ADAD1: variants seen among roughly 807,000 people sequenced by gnomAD.
The protein encoded by ADAD1 is adenosine deaminase domain-containing protein 1.
Under a neutral mutation model 66.8 loss-of-function variants are expected in ADAD1, and 46 were observed. The ratio of observed to expected loss-of-function variants is 0.69; its 90% CI spans 0.54 to 0.88. The LOEUF is 0.88. ADAD1 is among the 40% of genes least tolerant of loss of function. The probability of loss-of-function intolerance (pLI) is 0.00; values close to 1 mark genes in which losing one functional copy is unlikely to be tolerated. For synonymous variants in ADAD1, 248 were observed against 229.4 expected (o/e 1.08, Z -0.73); for missense variants, 617 against 681.8 (o/e 0.91, Z 1.06).
intron 10 of ADAD1, among the ~76,000 whole-genome samples, chr4:122,415,100 A>G (rs1025434377): frequency 1.3e-5 from 2 of 152,098 alleles, no homozygotes; most frequent in Non-Finnish European, 2.9e-5. Flanking sequence ...CTAAAGTACC[A>G]GTTTCTGAGC....
intron 6 of ADAD1, among the ~76,000 whole-genome samples, chr4:122,394,360 CT>C (rs1361621195): frequency 2.0e-5 from 3 of 152,080 alleles, no homozygotes; most frequent in African/African-American, 7.2e-5. Context: ...TTAATTTTTA[CT>C]TTTACTACCA....
At chr4:122,424,793 TA>T (rs80242378) in intron 12 of ADAD1, among the ~76,000 whole-genome samples, 2 of 151,746 alleles carry the variant, frequency 1.3e-5, no homozygotes. Context: ...CAGATTGGGT[TA>T]AAAAAAAGCC....
intron 10 of ADAD1, 75 bp from the exon 11 acceptor site, chr4:122,415,304 T>TC: frequency 8.2e-7 from 1 of 1,219,860 alleles, no homozygotes; most frequent in Non-Finnish European, 1.2e-6. Flanking sequence ...TTAGACGATT[T>TC]CCAATCATTT....
At position 122,421,234 on chromosome 4, in the gene ADAD1, T is replaced by TA. The variant is rs751523750; in HGVS notation, c.1488-21dup. On this transcript the variant is annotated intron_variant, in intron 11 of 12. Transcript: ENST00000296513. ...AACATAAATTACTGAAAAAGAAATT[T>TA]AAAAAATTTTATTTCTCTCTGCTTA... 14 of 1,501,826 alleles carry TA rather than the reference T, an allele frequency of 9.3e-6. No individual in the cohort carries two copies. The South Asian group carries it at 1.5e-4, about 16-fold the overall frequency. 93.0% of individuals were successfully genotyped at this position (1,501,826 alleles called of 1,614,324 possible).
chr4:122,418,862 A>T lies in ADAD1; in HGVS notation c.1488-2399A>T, dbSNP rs1021184641. Among the ~76,000 whole-genome samples, 4 of 152,226 alleles carry T rather than the reference A, an allele frequency of 2.6e-5. 1 individual carries two copies. Among genetic ancestry groups the T allele is most frequent in the Admixed American group, 1.3e-4 (2 of 15,278 alleles). Reference sequence around the variant, plus strand: ...TCTCACACCAATCAGAATGGCTATTATCAAAAAGTCAAAAAACAGATGCTG... The same window carrying T: ...TCTCACACCAATCAGAATGGCTATTTTCAAAAAGTCAAAAAACAGATGCTG... On this transcript the variant is annotated intron_variant, in intron 11 of 12. Coordinates refer to ENST00000296513, the MANE Select transcript of ADAD1 (RefSeq NM_139243.4).
At position 122,415,483 on chromosome 4, in the gene ADAD1, C is replaced by T; in HGVS notation, c.1354C>T (p.Pro452Ser). Residue 452 changes from proline (P) to serine (S), a missense_variant, in exon 11 of 13, where the codon CCT becomes TCT. By Grantham distance (74) the Pro-to-Ser change is moderately conservative. Transcript: ENST00000296513. ...KLPMFYLVNR[P>S]HISLVPSAYP... ...TCCAATGTTTTACTTAGTCAACAGACCTCATATTAGTTTAGTACCCTCTGC... is the reference window on the plus strand; with the variant it reads ...TCCAATGTTTTACTTAGTCAACAGATCTCATATTAGTTTAGTACCCTCTGC... The T allele has an allele frequency of 6.2e-7, 1 of 1,613,860 alleles. No homozygotes were observed. The highest frequency in any genetic ancestry group is 8.5e-7 in the Non-Finnish European group (1 of 1,179,870).
intron 5 of ADAD1, among the ~76,000 whole-genome samples, chr4:122,387,807 T>A (rs1795247166): frequency 6.6e-6 from 1 of 151,834 alleles, no homozygotes; most frequent in South Asian, 2.1e-4. Context: ...TTGCCCAGGC[T>A]GGAGTGCAAT....
chr4:122,416,475 C>T (rs1194665931), intron 11 of ADAD1, among the ~76,000 whole-genome samples: 1 of 152,148 alleles, frequency 6.6e-6, no homozygotes, highest in Admixed American at 6.5e-5. Flanking sequence ...ACCTGTAATC[C>T]TAGCAGTTTG....
intron 6 of ADAD1, among the ~76,000 whole-genome samples, chr4:122,394,256 A>G (rs1289433740): frequency 6.6e-6 from 1 of 152,160 alleles, no homozygotes; most frequent in African/African-American, 2.4e-5. Context: ...AACTAATATT[A>G]TTTTATTATA....
chr4:122,388,268 C>T (rs1032685610), intron 5 of ADAD1, among the ~76,000 whole-genome samples: 1 of 152,128 alleles, frequency 6.6e-6, no homozygotes, highest in Non-Finnish European at 1.5e-5. Context: ...ATTTCATTTG[C>T]CAGTATTTCA....
At chr4:122,412,477 C>A in intron 9 of ADAD1, 103 bp from the exon 10 acceptor site, 3 of 912,438 alleles carry the variant, frequency 3.3e-6, no homozygotes, top group South Asian at 1.6e-5. Flanking sequence ...ATTAAATGTA[C>A]ACTGGGAAGT....
At chr4:122,418,379 G>A (rs1205527388) in intron 11 of ADAD1, among the ~76,000 whole-genome samples, 1 of 148,506 alleles carries the variant, frequency 6.7e-6, no homozygotes, top group Non-Finnish European at 1.5e-5. Flanking sequence ...GCGCGATATC[G>A]GCTCACTGCA....
intron 6 of ADAD1, 78 bp from the exon 7 acceptor site, chr4:122,396,174 A>T: frequency 8.4e-7 from 1 of 1,193,190 alleles, no homozygotes; most frequent in African/African-American, 1.6e-5. Context: ...ATTTGATTGT[A>T]AGGTTATAAT....
In ADAD1 at chr4:122,421,298, C is replaced by G; in HGVS notation, c.1525C>G (p.Leu509Val). ...FKSGMSMASR[L>V]CKAAMLSRFN... ...AAGTGGTATGTCAATGGCAAGTCGG[C>G]TTTGTAAGGCTGCAATGTTAAGTCG... Residue 509 changes from leucine (L) to valine (V), a missense_variant, in exon 12 of 13, where the codon CTT becomes GTT. By Grantham distance (32) the Leu-to-Val change is conservative. Coordinates refer to ENST00000296513, the MANE Select transcript of ADAD1 (RefSeq NM_139243.4). 1 of 1,604,640 alleles carries G rather than the reference C, an allele frequency of 6.2e-7. No homozygotes were observed.
chr4:122,392,864 G>A (rs55839637), intron 5 of ADAD1, among the ~76,000 whole-genome samples: 2,510 of 152,076 alleles, frequency 0.017, 68 homozygotes, highest in African/African-American at 0.057. Context: ...TCTTTTACTC[G>A]TATGAGCTCT....
intron 7 of ADAD1, among the ~76,000 whole-genome samples, chr4:122,397,686 A>G (rs1795780353): frequency 6.6e-6 from 1 of 152,176 alleles, no homozygotes; most frequent in Admixed American, 6.6e-5. Flanking sequence ...AGGGAAAAAT[A>G]CATTTTTAAA....
At chr4:122,429,588 GC>G (rs1353666936) in intron 12 of ADAD1, 37 bp from the exon 13 acceptor site, 1 of 1,366,450 alleles carries the variant, frequency 7.3e-7, no homozygotes, top group Non-Finnish European at 1.0e-6. Context: ...ATCAAATGCT[GC>G]CTATTTTCTA....
intron 7 of ADAD1, among the ~76,000 whole-genome samples, chr4:122,397,703 T>A (rs1795781788): frequency 1.3e-5 from 2 of 152,068 alleles, no homozygotes; most frequent in Non-Finnish European, 2.9e-5. Context: ...TAAAAAAATT[T>A]GATAAGGTGA....
chr4:122,423,317 A>G (rs1437136502), intron 12 of ADAD1, among the ~76,000 whole-genome samples: 1 of 152,230 alleles, frequency 6.6e-6, no homozygotes, highest in East Asian at 1.9e-4. Flanking sequence ...TGGTAGGCCA[A>G]CTAGCAAGTT....
Sources: allele counts gnomAD v4.1 joint callset (sites outside exome capture counted in the v4.1 genomes callset), GRCh38; gene constraint gnomAD v4.1.1; transcripts MANE v1.5; gene names NCBI Gene and HGNC (gene_info 2026-07-23, HGNC 2026-07-21).